The following PPP2R2A variants were observed in gnomAD, a reference collection of about 807,000 sequenced individuals.
The protein encoded by PPP2R2A is protein phosphatase 2 regulatory subunit Balpha.
In PPP2R2A, 9 loss-of-function variants were observed where a neutral mutation model predicts 53.2. The observed-to-expected ratio is 0.17, with a 90% CI of 0.10 to 0.30. PPP2R2A has a LOEUF of 0.30. Among genes scored for constraint, PPP2R2A ranks in the 10% least tolerant of loss-of-function variants. The pLI is 1.00. For synonymous variants in PPP2R2A, 169 were observed against 174.2 expected (o/e 0.97, Z 0.23); for missense variants, 235 against 534.6 (o/e 0.44, Z 5.53).
chr8:26,305,932 C>G (rs1049993859), intron 2 of PPP2R2A, among the ~76,000 whole-genome samples: 1 of 152,078 alleles, frequency 6.6e-6, no homozygotes, highest in Non-Finnish European at 1.5e-5. Flanking sequence ...TTCAAATGGT[C>G]GTGAGTTGGA....
intron 3 of PPP2R2A, among the ~76,000 whole-genome samples, chr8:26,351,554 C>G (rs1804514733): frequency 6.6e-6 from 1 of 152,090 alleles, no homozygotes; most frequent in Admixed American, 6.6e-5. Context: ...TCCTGTTATC[C>G]TAAAACTTAA....
intron 2 of PPP2R2A, among the ~76,000 whole-genome samples, chr8:26,311,975 T>C (rs573238277): frequency 6.6e-6 from 1 of 152,256 alleles, no homozygotes; most frequent in East Asian, 1.9e-4. Flanking sequence ...AACACCCTGC[T>C]ATTGGCTCCC....
At chr8:26,293,135 C>G (rs763622498) in intron 1 of PPP2R2A, 3 of 1,157,258 alleles carry the variant, frequency 2.6e-6, no homozygotes, top group Admixed American at 2.2e-5. Context: ...TCCTCTCTGT[C>G]TGGAGCCAGT....
intron 4 of PPP2R2A, among the ~76,000 whole-genome samples, chr8:26,356,756 T>A (rs1233764459): frequency 6.6e-6 from 1 of 152,186 alleles, no homozygotes; most frequent in African/African-American, 2.4e-5. Context: ...TCAGCTTTCT[T>A]ATAAAGAGAA....
chr8:26,307,624 A>C (rs899740264), intron 2 of PPP2R2A, among the ~76,000 whole-genome samples: 2 of 152,236 alleles, frequency 1.3e-5, no homozygotes, highest in African/African-American at 4.8e-5. Context: ...AATTCTTGCT[A>C]TGCAGAATTC....
At chr8:26,347,094 C>T (rs759353677) in intron 3 of PPP2R2A, among the ~76,000 whole-genome samples, 16 of 151,934 alleles carry the variant, frequency 1.1e-4, no homozygotes, top group Non-Finnish European at 2.1e-4. Flanking sequence ...GTATTTAACA[C>T]ATGAAGAAAA....
chr8:26,311,468 T>A (rs185167245), intron 2 of PPP2R2A, among the ~76,000 whole-genome samples: 1 of 152,278 alleles, frequency 6.6e-6, no homozygotes, highest in Non-Finnish European at 1.5e-5. Flanking sequence ...TTGGGATTAG[T>A]TTAGGGTCTG....
At chr8:26,300,062 G>A (rs1303020274) in intron 2 of PPP2R2A, among the ~76,000 whole-genome samples, 3 of 152,098 alleles carry the variant, frequency 2.0e-5, no homozygotes, top group African/African-American at 7.2e-5. Context: ...GATAGTATCT[G>A]TTTAGCATCA....
chr8:26,339,738 C>A (rs1803850486), intron 3 of PPP2R2A, among the ~76,000 whole-genome samples: 1 of 151,902 alleles, frequency 6.6e-6, no homozygotes, highest in African/African-American at 2.4e-5. Flanking sequence ...AACATTCTGC[C>A]CCTATTTATA....
intron 3 of PPP2R2A, among the ~76,000 whole-genome samples, chr8:26,339,441 C>A (rs1803830164): frequency 6.6e-6 from 1 of 152,094 alleles, no homozygotes; most frequent in Non-Finnish European, 1.5e-5. Flanking sequence ...AATACTGTTA[C>A]AATGATTTAA....
At chr8:26,326,037 A>G (rs1377385520) in intron 2 of PPP2R2A, among the ~76,000 whole-genome samples, 1 of 152,108 alleles carries the variant, frequency 6.6e-6, no homozygotes, top group Non-Finnish European at 1.5e-5. Flanking sequence ...GGTTTTCGCC[A>G]TGTTGCCCAG....
chr8:26,306,455 G>A (rs1211008787), intron 2 of PPP2R2A, among the ~76,000 whole-genome samples: 1 of 142,044 alleles, frequency 7.0e-6, no homozygotes, highest in Non-Finnish European at 1.5e-5. Context: ...CAGCCTGGGT[G>A]ACAGAGCGAG....
chr8:26,324,376 G>A (rs1358513239), intron 2 of PPP2R2A, among the ~76,000 whole-genome samples: 1 of 152,210 alleles, frequency 6.6e-6, no homozygotes, highest in African/African-American at 2.4e-5. Context: ...ATCCATGAGA[G>A]CAGGGATTTT....
intron 2 of PPP2R2A, among the ~76,000 whole-genome samples, chr8:26,337,318 T>G (rs1174987138): frequency 1.3e-5 from 2 of 152,144 alleles, no homozygotes; most frequent in Non-Finnish European, 2.9e-5. Context: ...GAGAAAGAAT[T>G]TGTGTCTTCA....
intron 2 of PPP2R2A, among the ~76,000 whole-genome samples, chr8:26,323,412 T>C (rs1196352180): frequency 1.3e-5 from 2 of 152,144 alleles, no homozygotes; most frequent in Non-Finnish European, 2.9e-5. Flanking sequence ...GGAAATAGCA[T>C]CATATTCCCC....
intron 3 of PPP2R2A, among the ~76,000 whole-genome samples, chr8:26,348,276 C>T (rs1804322580): frequency 6.6e-6 from 1 of 152,082 alleles, no homozygotes; most frequent in Admixed American, 6.6e-5. Context: ...ATATTTCCTA[C>T]ATTTTTGCAG....
At chr8:26,301,208 C>T (rs551892418) in intron 2 of PPP2R2A, among the ~76,000 whole-genome samples, 1 of 152,112 alleles carries the variant, frequency 6.6e-6, no homozygotes, top group East Asian at 1.9e-4. Flanking sequence ...AACTGCAACT[C>T]CTGTTTATAA....
rs950833082 is a variant in PPP2R2A at position 26,342,157 on chromosome 8, C to CA, written c.180+3171dup. On this transcript the variant is annotated intron_variant, in intron 3 of 9. Coordinates refer to ENST00000380737, the MANE Select transcript of PPP2R2A (RefSeq NM_002717.4). The stretch of plus-strand genomic sequence containing the variant: ...CTACACGGAATCTCTGTTGTAGAAT[C>CA]AGGGCACCTAAAGAAATTGAGGCAC... 7.8e-4 allele frequency among the ~76,000 whole-genome samples: 118 copies of CA among 152,236 alleles called. 1 individual carries two copies. Among genetic ancestry groups the CA allele is most frequent in the African/African-American group, 2.7e-3 (111 of 41,526 alleles).
At position 26,321,719 on chromosome 8, in the gene PPP2R2A, C is replaced by G. The variant is rs1393690887; in HGVS notation, c.83-17171C>G. Among the ~76,000 whole-genome samples, 1 of 152,192 alleles carries G rather than the reference C, an allele frequency of 6.6e-6. No individual in the cohort carries two copies. Among genetic ancestry groups the G allele is most frequent in the Non-Finnish European group, 1.5e-5 (1 of 68,034 alleles). ...AGATCTCCTCCTCCAGTCAGGCTTT[C>G]GGATACCTGCAACTTTGTGAGAGAC... On this transcript the variant is annotated intron_variant, in intron 2 of 9. Coordinates refer to ENST00000380737, the MANE Select transcript of PPP2R2A (RefSeq NM_002717.4). This position sits in a 1 kb window ranked among gnomAD's most constrained non-coding sequence, Gnocchi z 4.1.
Sources: allele counts gnomAD v4.1 joint callset (sites outside exome capture counted in the v4.1 genomes callset), GRCh38; gene constraint gnomAD v4.1.1; non-coding constraint Gnocchi (gnomAD v3.1); transcripts MANE v1.5; gene names NCBI Gene and HGNC (gene_info 2026-07-23, HGNC 2026-07-21).